The following IL15 variants were observed in gnomAD, a reference collection of about 807,000 sequenced individuals.
The protein encoded by IL15 is interleukin-15.
In IL15, 11 loss-of-function variants were observed where a neutral mutation model predicts 19.6. The ratio of observed to expected loss-of-function variants is 0.56; its 90% CI spans 0.35 to 0.93. IL15 has a LOEUF of 0.93. IL15 is among the 40% of genes least tolerant of loss of function. The pLI is 0.01. For missense variants in IL15, 197 were observed against 186.5 expected, an observed-to-expected ratio of 1.06 and a Z score of -0.33; for synonymous variants, 58 against 59.6, an observed-to-expected ratio of 0.97 and a Z score of 0.12.
intron 2 of IL15, among the ~76,000 whole-genome samples, chr4:141,684,986 G>T (rs1291244773): frequency 6.6e-6 from 1 of 151,606 alleles, no homozygotes; most frequent in Non-Finnish European, 1.5e-5. Flanking sequence ...AAGAGGTCAT[G>T]AAATAGTGTA....
chr4:141,719,681 A>G (rs902967840), intron 3 of IL15, among the ~76,000 whole-genome samples: 4 of 152,280 alleles, frequency 2.6e-5, no homozygotes, highest in African/African-American at 7.2e-5. Flanking sequence ...TCTTCTTGTC[A>G]TTATAAATGT....
chr4:141,646,384 C>G (rs1054705370), intron 1 of IL15, among the ~76,000 whole-genome samples: 1 of 152,060 alleles, frequency 6.6e-6, no homozygotes, highest in African/African-American at 2.4e-5. Context: ...CTACTATGTT[C>G]TTGTCTAAGA....
intron 2 of IL15, among the ~76,000 whole-genome samples, chr4:141,685,832 CATT>C (rs1460178951): frequency 1.3e-5 from 2 of 152,134 alleles, no homozygotes; most frequent in East Asian, 1.9e-4. Context: ...ATGTTTAATT[CATT>C]ATTTCTCCTT....
At chr4:141,670,503 A>G (rs951221699) in intron 2 of IL15, among the ~76,000 whole-genome samples, 1 of 152,212 alleles carries the variant, frequency 6.6e-6, no homozygotes, top group Non-Finnish European at 1.5e-5. Flanking sequence ...ACCATAATTA[A>G]TGAGTTTATT....
chr4:141,697,514 A>C (rs7688999), intron 2 of IL15, among the ~76,000 whole-genome samples: 21,585 of 151,928 alleles, frequency 0.14, 1,644 homozygotes, highest in African/African-American at 0.18. Context: ...GTTCCATATG[A>C]ATTTTAGGAT....
At chr4:141,680,370 T>C (rs1728493908) in intron 2 of IL15, among the ~76,000 whole-genome samples, 1 of 152,228 alleles carries the variant, frequency 6.6e-6, no homozygotes, top group African/African-American at 2.4e-5. Context: ...TGCACTTCAT[T>C]CTACTGAATG....
intron 2 of IL15, among the ~76,000 whole-genome samples, chr4:141,709,623 A>C (rs1579041534): frequency 3.9e-5 from 6 of 152,210 alleles, no homozygotes; most frequent in Middle Eastern, 3.4e-3. Flanking sequence ...TGATTTCTGT[A>C]TATGTTTAAA....
chr4:141,713,795 A>C (rs1437431546), intron 2 of IL15, among the ~76,000 whole-genome samples: 1 of 152,102 alleles, frequency 6.6e-6, no homozygotes, highest in Non-Finnish European at 1.5e-5. Context: ...AATGAAGTAA[A>C]ATTTCCTGGA....
chr4:141,669,313 A>G (rs1728094597), intron 2 of IL15, among the ~76,000 whole-genome samples: 1 of 152,240 alleles, frequency 6.6e-6, no homozygotes, highest in Non-Finnish European at 1.5e-5. Flanking sequence ...GCAAGCAACA[A>G]GAAGCCTTGA....
chr4:141,648,788 T>C (rs2152154614), intron 1 of IL15, among the ~76,000 whole-genome samples: 1 of 152,224 alleles, frequency 6.6e-6, no homozygotes, highest in African/African-American at 2.4e-5. Context: ...TTGGCCTTTC[T>C]TAAGTCAAAC....
chr4:141,730,133 C>T, intron 7 of IL15, 149 bp downstream of exon 7: 1 of 713,078 alleles, frequency 1.4e-6, no homozygotes, highest in Non-Finnish European at 2.5e-6. Context: ...GGCACCATCT[C>T]CAGCATGCAC....
At chr4:141,666,225 C>G (rs945020911) in intron 2 of IL15, among the ~76,000 whole-genome samples, 5 of 152,066 alleles carry the variant, frequency 3.3e-5, no homozygotes, top group Non-Finnish European at 7.4e-5. Flanking sequence ...CTCAGCCTCC[C>G]GAGTAGCTGG....
intron 1 of IL15, among the ~76,000 whole-genome samples, chr4:141,639,616 A>T (rs1202234499): frequency 9.9e-5 from 15 of 152,204 alleles, no homozygotes; most frequent in Admixed American, 9.8e-4. Context: ...GAGGTCAGAG[A>T]AGAAGAGTTT....
chr4:141,712,056 T>C (rs1729732886), intron 2 of IL15, among the ~76,000 whole-genome samples: 2 of 152,280 alleles, frequency 1.3e-5, no homozygotes, highest in East Asian at 3.9e-4. Context: ...TGTGAAAGCT[T>C]GTGTTCTACT....
intron 5 of IL15, among the ~76,000 whole-genome samples, 188 bp from the exon 6 acceptor site, chr4:141,727,752 C>T (rs139878578): frequency 1.4e-4 from 22 of 152,066 alleles, no homozygotes; most frequent in Non-Finnish European, 2.9e-4. Context: ...AAGACATTAC[C>T]ACTGGGAGAA....
intron 2 of IL15, among the ~76,000 whole-genome samples, chr4:141,666,832 A>G (rs909257986): frequency 1.3e-5 from 2 of 152,202 alleles, no homozygotes; most frequent in African/African-American, 2.4e-5. Context: ...GGAAGAAGGA[A>G]TGCTGCACAG....
At chr4:141,660,676 A>T (rs78613727) in intron 2 of IL15, among the ~76,000 whole-genome samples, 2 of 152,166 alleles carry the variant, frequency 1.3e-5, no homozygotes, top group Admixed American at 1.3e-4. Context: ...GTGACATTAC[A>T]TAAGTAAACA....
intron 2 of IL15, among the ~76,000 whole-genome samples, chr4:141,676,619 T>C (rs1257381247): frequency 6.6e-6 from 1 of 152,156 alleles, no homozygotes; most frequent in Non-Finnish European, 1.5e-5. Context: ...GATCACACAA[T>C]TGAAAATGTC....
At chr4:141,731,584 C>T (rs17007618) in intron 7 of IL15, among the ~76,000 whole-genome samples, 3,255 of 152,274 alleles carry the variant, frequency 0.021, 136 homozygotes, top group African/African-American at 0.073. Context: ...GTGTGACATA[C>T]GTGCTGGAAT....
Sources: gnomAD v4.1 joint callset for allele counts (sites outside exome capture counted in the v4.1 genomes callset) on GRCh38, gnomAD v4.1.1 for gene constraint, MANE v1.5 for transcripts, NCBI Gene and HGNC (gene_info 2026-07-23, HGNC 2026-07-21) for gene names.